DDC: variants seen among roughly 807,000 people sequenced by gnomAD.
DDC encodes the protein dopa decarboxylase, also known as aromatic-L-amino-acid decarboxylase.
DDC carries 43 observed loss-of-function variants against 60.0 expected under a neutral mutation model. The ratio of observed to expected loss-of-function variants is 0.72; its 90% confidence interval spans 0.56 to 0.92. DDC has a LOEUF of 0.92. Ranked by LOEUF, DDC falls within the 40% of genes least tolerant of loss-of-function variation. The pLI is 0.00. For synonymous variants in DDC, 232 were observed against 234.6 expected, an observed-to-expected ratio of 0.99 and a Z score of 0.10; for missense variants, 573 against 620.2, an observed-to-expected ratio of 0.92 and a Z score of 0.81.
At chr7:50,490,633 G>T (rs138720485) in intron 9 of DDC, among the ~76,000 whole-genome samples, 2,484 of 151,986 alleles carry the variant, frequency 0.016, 34 homozygotes, top group African/African-American at 0.033. Context: ...TCATGCCACT[G>T]AGCCGAGATC....
At chr7:50,496,138 G>A (rs2043122685) in intron 8 of DDC, among the ~76,000 whole-genome samples, 1 of 151,528 alleles carries the variant, frequency 6.6e-6, no homozygotes, top group Non-Finnish European at 1.5e-5. Flanking sequence ...TGTTGCCCAG[G>A]CTGGACATGA....
rs142110773 is a variant in DDC at position 50,463,317 on chromosome 7, G to A, written c.1357C>T (p.Arg453Cys). 1.4e-5 allele frequency: 23 copies of A among 1,614,122 alleles called. No individual in the cohort carries two copies. Among genetic ancestry groups the A allele is most frequent in the Non-Finnish European group, 1.9e-5 (22 of 1,180,040 alleles). ...KFVLRFAICS[R>C]TVESAHVQRA... ...TGCACATGGGCAGATTCCACCGTGC[G>A]AGAACAGATGGCAAAGCGCAGGACA... The change falls in exon 14 of 15, where the codon CGC becomes TGC. Residue 453 changes from arginine (R) to cysteine (C), a missense_variant. Coordinates refer to ENST00000444124, the MANE Select transcript of DDC (RefSeq NM_001082971.2).
rs189135065 is a variant in DDC at position 50,499,077 on chromosome 7, C to A, written c.876+71G>T. On this transcript the variant is annotated intron_variant, in intron 8 of 14. Transcript: ENST00000444124. The stretch of plus-strand genomic sequence containing the variant: ...AATAGCAAGAGACTGGACGTCAGCT[C>A]CTCATGAAGGGAGAGGTCAATAACA... The A allele has an allele frequency of 2.2e-3, 2,569 of 1,192,372 alleles. 4 individuals carry two copies. Among genetic ancestry groups the A allele is most frequent in the Non-Finnish European group, 2.9e-3 (2,312 of 796,246 alleles). 73.9% of individuals were successfully genotyped at this position (1,192,372 alleles called of 1,614,324 possible).
At chr7:50,540,719 T>C (rs1289354189) in intron 2 of DDC, among the ~76,000 whole-genome samples, 1 of 152,116 alleles carries the variant, frequency 6.6e-6, no homozygotes, top group East Asian at 1.9e-4. Context: ...CTCCAGCCCA[T>C]AAGGTGAACA....
intron 1 of DDC, 74 bp from the exon 2 acceptor site, chr7:50,544,187 G>T: frequency 8.6e-7 from 1 of 1,157,654 alleles, no homozygotes; most frequent in Non-Finnish European, 1.3e-6. Flanking sequence ...CAAGCAAGCC[G>T]TGGGTAGGGA....
chr7:50,548,920 G>A (rs992067988), intron 1 of DDC, among the ~76,000 whole-genome samples: 1 of 152,220 alleles, frequency 6.6e-6, no homozygotes, highest in Non-Finnish European at 1.5e-5. Flanking sequence ...TTAAGTTGCA[G>A]CCTATGCTTA....
At chr7:50,508,384 CCA>C (rs1411686807) in intron 6 of DDC, among the ~76,000 whole-genome samples, 2 of 152,198 alleles carry the variant, frequency 1.3e-5, no homozygotes, top group African/African-American at 4.8e-5. Context: ...CTCAAAGAGC[CCA>C]CAGTCTTCCT....
rs779947951 is a variant in DDC at position 50,537,991 on chromosome 7, G to A, written c.316-12C>T. ...GCTGGGCTTGCCGCCTGTCGTGGGG[G>A]AAGGGAAGGGATTAACCGAGGGCCA... is the stretch of plus-strand genomic sequence containing the variant. On this transcript the variant is annotated splice_polypyrimidine_tract_variant and intron_variant, in intron 3 of 14. Transcript: ENST00000444124. 3 of 1,614,056 alleles carry A rather than the reference G, an allele frequency of 1.9e-6. No individual in the cohort carries two copies. In the South Asian group the frequency reaches 3.3e-5, roughly 18 times the overall value.
intron 13 of DDC, among the ~76,000 whole-genome samples, chr7:50,466,494 A>T (rs1271445742): frequency 1.1e-5 from 1 of 89,992 alleles, no homozygotes; most frequent in African/African-American, 6.1e-5. Flanking sequence ...CTCCAAAAAG[A>T]AAAAAAAAAA....
chr7:50,510,959 C>T (rs1389321227), intron 6 of DDC, among the ~76,000 whole-genome samples: 49 of 109,166 alleles, frequency 4.5e-4, no homozygotes, highest in Non-Finnish European at 6.3e-4. Context: ...CCGGCCTGGG[C>T]GAAAGAGCGA....
chr7:50,478,030 C>T (rs1028541268), intron 10 of DDC, among the ~76,000 whole-genome samples: 1 of 133,878 alleles, frequency 7.5e-6, no homozygotes, highest in South Asian at 2.5e-4. Flanking sequence ...GGTGAAACCC[C>T]GTCTCTACCA....
Position 50,467,222 on chromosome 7 carries a change from G to T in DDC, c.1234C>A (p.Arg412=). 6.2e-7 allele frequency: 1 copy of T among 1,613,662 alleles called. No homozygotes were observed. Among genetic ancestry groups the T allele is most frequent in the South Asian group, 1.1e-5 (1 of 91,066 alleles). The change falls in exon 13 of 15, where the codon CGG becomes AGG. Residue 412 remains arginine (R), a synonymous_variant. Transcript: ENST00000444124. ...AATAGATGTAGACAAACCTTTAGCC[G>T]AAAGCAGACAAGCCCCAGAATGACT... The part of the protein sequence containing the change: ...VEVILGLVCF[R]LKGSNKVNEA...
chr7:50,514,025 T>C (rs1179931386), intron 6 of DDC, among the ~76,000 whole-genome samples: 1 of 152,008 alleles, frequency 6.6e-6, no homozygotes. Flanking sequence ...CAGCACAAAA[T>C]CAGAGCATTA....
chr7:50,555,809 C>T (rs1403159242), intron 1 of DDC, among the ~76,000 whole-genome samples: 2 of 152,150 alleles, frequency 1.3e-5, no homozygotes, highest in East Asian at 1.9e-4. Flanking sequence ...ACCAAGACTC[C>T]ACACCTGCTG....
intron 1 of DDC, among the ~76,000 whole-genome samples, chr7:50,548,903 G>A (rs916439514): frequency 2.0e-5 from 3 of 152,176 alleles, no homozygotes; most frequent in African/African-American, 7.2e-5. Context: ...TAACACAGCT[G>A]GTGACTTTAA....
intron 7 of DDC, 136 bp from the exon 8 acceptor site, chr7:50,499,378 C>T (rs538923240): frequency 1.4e-4 from 96 of 701,504 alleles, no homozygotes; most frequent in Admixed American, 8.4e-4. Flanking sequence ...GCTGAATCCC[C>T]AAAAGGCCCC....
chr7:50,527,711 C>G, intron 6 of DDC: 1 of 226,978 alleles, frequency 4.4e-6, no homozygotes, highest in Non-Finnish European at 8.8e-6. Flanking sequence ...AAAGATAAGA[C>G]TTTTGGGATA....
chr7:50,462,226 C>CAAAAAAA (rs11410259), intron 14 of DDC, among the ~76,000 whole-genome samples: 318 of 75,366 alleles, frequency 4.2e-3, no homozygotes, highest in Middle Eastern at 9.3e-3. Flanking sequence ...GACAAAAAGA[C>CAAAAAAA]AAAAAAAAAA....
intron 8 of DDC, among the ~76,000 whole-genome samples, chr7:50,497,860 T>C (rs2043159648): frequency 6.6e-6 from 1 of 152,220 alleles, no homozygotes. Flanking sequence ...CTTCATTGAT[T>C]AGTAGTAAGA....
Sources: allele counts gnomAD v4.1 joint callset (sites outside exome capture counted in the v4.1 genomes callset), GRCh38; gene constraint gnomAD v4.1.1; transcripts MANE v1.5; gene names NCBI Gene and HGNC (gene_info 2026-07-23, HGNC 2026-07-21).